RBMS3: variants seen among roughly 807,000 people sequenced by gnomAD.
RBMS3 encodes RNA binding motif single stranded interacting protein 3.
A neutral mutation model predicts 66.8 loss-of-function variants in RBMS3; 27 were observed. That is an observed-to-expected ratio of 0.40 (90% CI 0.30 to 0.56). RBMS3 has a LOEUF of 0.56. Among genes scored for constraint, RBMS3 ranks in the 20% least tolerant of loss-of-function variants. The pLI is 0.40. For synonymous variants in RBMS3, 188 were observed against 183.0 expected (o/e 1.03, Z -0.22); for missense variants, 513 against 549.5 (o/e 0.93, Z 0.66).
chr3:29,743,421 G>T (rs1430431781), intron 5 of RBMS3, among the ~76,000 whole-genome samples: 1 of 152,140 alleles, frequency 6.6e-6, no homozygotes, highest in East Asian at 1.9e-4. Context: ...GATGTCTTGG[G>T]ACAGTGGTTC....
chr3:29,310,117 A>C (rs2034282614), intron 1 of RBMS3, among the ~76,000 whole-genome samples: 1 of 151,708 alleles, frequency 6.6e-6, no homozygotes, highest in Non-Finnish European at 1.5e-5. Flanking sequence ...TATTGAACAG[A>C]TCAAGGGCAC....
At chr3:29,674,265 G>A (rs1413565744) in intron 4 of RBMS3, among the ~76,000 whole-genome samples, 1 of 152,058 alleles carries the variant, frequency 6.6e-6, no homozygotes, top group East Asian at 1.9e-4. Context: ...AAAATGATAA[G>A]AGCTATTTAT....
chr3:29,287,844 A>G (rs922176387), intron 1 of RBMS3, among the ~76,000 whole-genome samples: 1 of 152,060 alleles, frequency 6.6e-6, no homozygotes, highest in African/African-American at 2.4e-5. Flanking sequence ...GATTTTAGAC[A>G]GAAGTAATTT....
intron 4 of RBMS3, among the ~76,000 whole-genome samples, chr3:29,592,721 C>A (rs144623361): frequency 6.6e-6 from 1 of 151,906 alleles, no homozygotes; most frequent in African/African-American, 2.4e-5. Context: ...ATCTTTATTG[C>A]GGCACTATTC....
intron 6 of RBMS3, among the ~76,000 whole-genome samples, chr3:29,794,502 C>T (rs938442489): frequency 1.6e-4 from 25 of 152,164 alleles, no homozygotes; most frequent in African/African-American, 4.8e-4. Context: ...AGGAGAATGG[C>T]GTGAACCCGG....
At chr3:29,856,046 T>A (rs949983000) in intron 6 of RBMS3, among the ~76,000 whole-genome samples, 10 of 152,184 alleles carry the variant, frequency 6.6e-5, no homozygotes, top group Non-Finnish European at 1.5e-4. Context: ...CACACAAGAA[T>A]AAATGAAATT....
At chr3:29,817,027 G>T (rs1218933898) in intron 6 of RBMS3, among the ~76,000 whole-genome samples, 2 of 152,048 alleles carry the variant, frequency 1.3e-5, no homozygotes, top group East Asian at 3.9e-4. Flanking sequence ...GGAGGCAGAG[G>T]TTGCCGTGAG....
chr3:29,827,771 C>T (rs1167882255), intron 6 of RBMS3, among the ~76,000 whole-genome samples: 2 of 152,102 alleles, frequency 1.3e-5, no homozygotes, highest in East Asian at 3.9e-4. Context: ...ATGAATGAAT[C>T]CAAACAGCCT....
At chr3:29,745,809 C>T (rs566877148) in intron 5 of RBMS3, among the ~76,000 whole-genome samples, 1 of 152,100 alleles carries the variant, frequency 6.6e-6, no homozygotes, top group South Asian at 2.1e-4. Flanking sequence ...TGACTTCTAA[C>T]ATATGGGCAG....
At chr3:29,617,531 A>G (rs12494889) in intron 4 of RBMS3, among the ~76,000 whole-genome samples, 46,154 of 151,990 alleles carry the variant, frequency 0.3, 7,797 homozygotes, top group African/African-American at 0.45. Context: ...TCTGAGGAGT[A>G]GTTCACTCAC....
intron 4 of RBMS3, among the ~76,000 whole-genome samples, chr3:29,736,957 GC>G (rs919267905): frequency 1.3e-5 from 2 of 151,928 alleles, no homozygotes; most frequent in African/African-American, 4.8e-5. Flanking sequence ...AGTAATACTG[GC>G]CTTTTAGTTA....
chr3:29,825,256 T>C (rs1002250945), intron 6 of RBMS3, among the ~76,000 whole-genome samples: 1 of 151,956 alleles, frequency 6.6e-6, no homozygotes, highest in Non-Finnish European at 1.5e-5. Context: ...AGACCGGTCT[T>C]GAACTCCTGA....
At chr3:29,989,181 G>C (rs569736114) in intron 13 of RBMS3, among the ~76,000 whole-genome samples, 14 of 152,304 alleles carry the variant, frequency 9.2e-5, no homozygotes, top group African/African-American at 3.1e-4. Flanking sequence ...GATGATGTCA[G>C]CTTGTCCTTA....
At chr3:29,482,027 G>T (rs765538858) in intron 2 of RBMS3, among the ~76,000 whole-genome samples, 12 of 152,178 alleles carry the variant, frequency 7.9e-5, no homozygotes, top group Admixed American at 2.6e-4. Flanking sequence ...CCTAGGTCAT[G>T]TGGGTGGGAG....
At chr3:29,513,178 G>C (rs1418676199) in intron 3 of RBMS3, among the ~76,000 whole-genome samples, 1 of 152,170 alleles carries the variant, frequency 6.6e-6, no homozygotes, top group African/African-American at 2.4e-5. Context: ...CTGAACCTTA[G>C]AAAGGTGTTA....
chr3:29,909,270 C>T (rs73831093), intron 10 of RBMS3, among the ~76,000 whole-genome samples: 3,580 of 152,066 alleles, frequency 0.024, 156 homozygotes, highest in African/African-American at 0.082. Context: ...TACTATTGTT[C>T]AGAATTTAAG....
intron 12 of RBMS3, among the ~76,000 whole-genome samples, chr3:29,972,050 A>ACCC (rs1697263616): frequency 6.6e-6 from 1 of 152,096 alleles, no homozygotes; most frequent in African/African-American, 2.4e-5. Context: ...AATAAAATTT[A>ACCC]CCCCACAATT....
rs911094727 is a variant in RBMS3, at chr3:29,828,496, C to A, written c.638-40362C>A. The stretch of plus-strand genomic sequence containing the variant: ...CAAGCATATTATCTTCTATTTTTTC[C>A]CAAATCCTTTGTGATGTAAGAGGAC... On this transcript the variant is annotated intron_variant, in intron 6 of 14. Transcript: ENST00000383767. Among the ~76,000 whole-genome samples, 6 of 152,168 alleles carry A rather than the reference C, an allele frequency of 3.9e-5. No individual in the cohort carries two copies. The South Asian group carries it at 1.2e-3, about 32-fold the overall frequency.
At chr3:29,379,369 T>C (rs1250150106) in intron 1 of RBMS3, among the ~76,000 whole-genome samples, 3 of 152,200 alleles carry the variant, frequency 2.0e-5, no homozygotes, top group South Asian at 4.1e-4. Flanking sequence ...ATGGGTCTTT[T>C]ATTTTAGATT....
Sources: gnomAD v4.1 joint callset for allele counts (sites outside exome capture counted in the v4.1 genomes callset) on GRCh38, gnomAD v4.1.1 for gene constraint, MANE v1.5 for transcripts, NCBI Gene and HGNC (gene_info 2026-07-23, HGNC 2026-07-21) for gene names.